Variants in MAGI1 observed in about 807,000 individuals in gnomAD.
The protein encoded by MAGI1 is membrane-associated guanylate kinase, WW and PDZ domain-containing protein 1.
In MAGI1, 58 loss-of-function variants were observed where a neutral mutation model predicts 139.9. That is an observed-to-expected ratio of 0.41 (90% CI 0.34 to 0.52). The LOEUF (loss-of-function observed/expected upper bound fraction) is 0.52. MAGI1 is among the 20% of genes least tolerant of loss of function. The pLI, the probability that MAGI1 is intolerant of heterozygous loss-of-function variation, is 0.12. For synonymous variants in MAGI1, 812 were observed against 737.9 expected (o/e 1.10, Z -1.63); for missense variants, 1,874 against 1,901.6 (o/e 0.99, Z 0.27).
chr3:65,543,510 A>G (rs2079347481), intron 2 of MAGI1, among the ~76,000 whole-genome samples: 1 of 152,224 alleles, frequency 6.6e-6, no homozygotes, highest in African/African-American at 2.4e-5. Context: ...CCAAATGCCC[A>G]TCAATGATAG....
intron 1 of MAGI1, among the ~76,000 whole-genome samples, chr3:65,682,526 C>A (rs1292339206): frequency 1.3e-5 from 2 of 152,172 alleles, no homozygotes; most frequent in African/African-American, 4.8e-5. Context: ...AAGAAAGGAG[C>A]ATTGACCTGC....
chr3:65,565,156 T>C (rs1424232341), intron 2 of MAGI1, among the ~76,000 whole-genome samples: 1 of 152,178 alleles, frequency 6.6e-6, no homozygotes, highest in Non-Finnish European at 1.5e-5. Flanking sequence ...AACACATCTC[T>C]AGTGACAGCT....
chr3:65,975,757 T>C (rs2065236308), intron 1 of MAGI1, among the ~76,000 whole-genome samples: 1 of 152,212 alleles, frequency 6.6e-6, no homozygotes, highest in Non-Finnish European at 1.5e-5. Context: ...CACTCAGACT[T>C]GGACTAAGAT....
intron 1 of MAGI1, among the ~76,000 whole-genome samples, chr3:65,785,535 A>T (rs1004761094): frequency 1.2e-4 from 19 of 152,240 alleles, no homozygotes; most frequent in Admixed American, 5.2e-4. Flanking sequence ...TTGTCATACA[A>T]GAGGTTATAC....
At chr3:65,763,914 A>G (rs2037252384) in intron 1 of MAGI1, among the ~76,000 whole-genome samples, 1 of 151,652 alleles carries the variant, frequency 6.6e-6, no homozygotes, top group South Asian at 2.1e-4. Context: ...CTACAAATAA[A>G]TAAAAAAATT....
At chr3:65,492,876 A>T (rs925694817) in intron 3 of MAGI1, among the ~76,000 whole-genome samples, 15 of 152,122 alleles carry the variant, frequency 9.9e-5, no homozygotes, top group African/African-American at 3.4e-4. Context: ...CAGGAGATCG[A>T]GACGATCCTG....
chr3:66,035,263 A>C (rs1307079919), intron 1 of MAGI1, among the ~76,000 whole-genome samples: 10 of 152,060 alleles, frequency 6.6e-5, no homozygotes, highest in Admixed American at 1.3e-4. Flanking sequence ...GTATCTTTCC[A>C]GAGAACTGCC....
At position 65,478,657 on chromosome 3, in the gene MAGI1, G is replaced by T. The variant is rs768156669; in HGVS notation, c.692C>A (p.Ala231Asp). The change falls in exon 4 of 23, where the codon GCT becomes GAT. Residue 231 changes from alanine (A) to aspartate (D), a missense_variant. By Grantham distance (126) the Ala-to-Asp change is moderately radical (BLOSUM62 -2). This residue lies in a region of MAGI1 where 648 missense variants were observed against 598.1 expected (regional missense o/e 1.08). Transcript: ENST00000402939. ...RTKSYNDMQN[A>D]GIVHAENEEE... ...CTCATTCTCCGCGTGGACTATGCCA[G>T]CATTTTGCATATCATTGTAGGACTT... 3 of 1,614,064 alleles carry T rather than the reference G, an allele frequency of 1.9e-6. No individual in the cohort carries two copies. In the Admixed American group the frequency reaches 5.0e-5, roughly 27 times the overall value.
At chr3:65,430,674 C>A (rs2107344257) in intron 11 of MAGI1, 25 bp downstream of exon 11, 1 of 1,607,928 alleles carries the variant, frequency 6.2e-7, no homozygotes, top group South Asian at 1.1e-5. Flanking sequence ...CCACACAGAA[C>A]ACACTAAGGC....
intron 14 of MAGI1, among the ~76,000 whole-genome samples, chr3:65,389,495 A>G (rs1041823328): frequency 6.6e-5 from 10 of 152,234 alleles, no homozygotes; most frequent in Non-Finnish European, 1.5e-4. Flanking sequence ...ATATCTCAAC[A>G]TTAACTGAAG....
Position 65,465,725 on chromosome 3 carries a change from C to T in MAGI1, c.959+4558G>A, listed in dbSNP as rs141534080. 7.2e-5 allele frequency among the ~76,000 whole-genome samples: 11 copies of T among 152,254 alleles called. 1 individual carries two copies. The East Asian group carries it at 2.1e-3, about 29-fold the overall frequency. On this transcript the variant is annotated intron_variant, in intron 5 of 22. Coordinates refer to ENST00000402939, the MANE Select transcript of MAGI1 (RefSeq NM_001033057.2). The stretch of plus-strand genomic sequence containing the variant: ...GTCTTGCTGTAGTTTTCTTTGGATT[C>T]AGCCAGCTTATTGAATCTGTAGGTT...
chr3:66,016,534 T>A (rs1052860001), intron 1 of MAGI1, among the ~76,000 whole-genome samples: 1 of 152,284 alleles, frequency 6.6e-6, no homozygotes, highest in African/African-American at 2.4e-5. Flanking sequence ...GACACGTTGC[T>A]GGCAAGGCTC....
chr3:65,835,274 G>T (rs1232008858), intron 1 of MAGI1, among the ~76,000 whole-genome samples: 3 of 152,032 alleles, frequency 2.0e-5, no homozygotes, highest in Non-Finnish European at 2.9e-5. Flanking sequence ...TTTACTGTCA[G>T]GGACTAAGTA....
chr3:65,772,605 CT>C (rs1377683540), intron 1 of MAGI1, among the ~76,000 whole-genome samples: 3 of 152,200 alleles, frequency 2.0e-5, no homozygotes, highest in Non-Finnish European at 4.4e-5. Flanking sequence ...ATGGAGAACA[CT>C]TCGTGAGAGT....
chr3:65,674,656 C>G (rs979713446), intron 1 of MAGI1, among the ~76,000 whole-genome samples: 1 of 152,096 alleles, frequency 6.6e-6, no homozygotes, highest in African/African-American at 2.4e-5. Flanking sequence ...AATTCCAGTG[C>G]GCCCTTCACT....
chr3:65,430,602 T>C, intron 11 of MAGI1, 97 bp downstream of exon 11: 1 of 1,316,100 alleles, frequency 7.6e-7, no homozygotes, highest in Non-Finnish European at 1.0e-6. Context: ...TGACGTTGCT[T>C]GGTCTTGCTC....
chr3:65,894,675 G>A (rs2060900497), intron 1 of MAGI1, among the ~76,000 whole-genome samples: 2 of 152,194 alleles, frequency 1.3e-5, no homozygotes, highest in Admixed American at 1.3e-4. Context: ...GGACAGTGGT[G>A]CAAACCATCC....
At chr3:66,033,421 A>G (rs996170946) in intron 1 of MAGI1, among the ~76,000 whole-genome samples, 6 of 152,158 alleles carry the variant, frequency 3.9e-5, no homozygotes, top group Non-Finnish European at 8.8e-5. Context: ...GCTATAAATC[A>G]GGGTCTACCC....
intron 1 of MAGI1, among the ~76,000 whole-genome samples, chr3:65,998,118 A>AG (rs1225542814): frequency 6.6e-6 from 1 of 151,910 alleles, no homozygotes; most frequent in Non-Finnish European, 1.5e-5. Flanking sequence ...AAAAAAAAAA[A>AG]AAACAAACAG....
Sources: allele counts gnomAD v4.1 joint callset (sites outside exome capture counted in the v4.1 genomes callset), GRCh38; gene constraint gnomAD v4.1.1; regional missense constraint gnomAD v4.1.1; transcripts MANE v1.5; gene names NCBI Gene and HGNC (gene_info 2026-07-23, HGNC 2026-07-21).